Variants in WDTC1 observed in about 807,000 individuals in gnomAD.
WDTC1 encodes the protein WD and tetratricopeptide repeats 1.
Under a neutral mutation model 76.0 loss-of-function variants are expected in WDTC1, and 12 were observed. The ratio of observed to expected loss-of-function variants is 0.16; its 90% CI spans 0.10 to 0.26. WDTC1 has a LOEUF of 0.26. WDTC1 is among the 10% of genes least tolerant of loss of function. The pLI is 1.00. For missense variants in WDTC1, 511 were observed against 908.8 expected, an observed-to-expected ratio of 0.56 and a Z score of 5.63; for synonymous variants, 326 against 350.8, an observed-to-expected ratio of 0.93 and a Z score of 0.79.
At chr1:27,277,311 T>C (rs953811598) in intron 3 of WDTC1, among the ~76,000 whole-genome samples, 1 of 152,246 alleles carries the variant, frequency 6.6e-6, no homozygotes, top group Non-Finnish European at 1.5e-5. Flanking sequence ...TTTGTAGTTT[T>C]AGATTTTATA....
At position 27,305,022 on chromosome 1, in the gene WDTC1, T is replaced by C. The variant is rs1159913128; in HGVS notation, c.1665T>C (p.Ser555=). The change falls in exon 15 of 16, where the codon AGT becomes AGC. Residue 555 remains serine, a synonymous_variant. Transcript: ENST00000319394. The surrounding 1 kb of genome is among the most constrained non-coding windows in gnomAD (Gnocchi z 4.6). ...FFGSNAQYIV[S]GSDDGSFFIW... The stretch of plus-strand genomic sequence containing the variant: ...CCAGCAACGCTCAGTATATCGTCAG[T>C]GGCTCTGACGATGGCTCCTTCTTCA... 2 of 1,613,954 alleles carry C rather than the reference T, an allele frequency of 1.2e-6. No individual in the cohort carries two copies. The highest frequency in any genetic ancestry group is 2.2e-5 in the South Asian group (2 of 91,074).
At chr1:27,259,191 G>A (rs1401853711) in intron 1 of WDTC1, among the ~76,000 whole-genome samples, 1 of 152,016 alleles carries the variant, frequency 6.6e-6, no homozygotes, top group Non-Finnish European at 1.5e-5. Flanking sequence ...ACAGGGTCTT[G>A]TTCTGTCACC....
chr1:27,287,900 C>CCATCCCAT (rs2013389307), intron 6 of WDTC1, 39 bp downstream of exon 6: 3 of 1,588,008 alleles, frequency 1.9e-6, no homozygotes, highest in African/African-American at 2.7e-5. Context: ...TGTCGCTCCC[C>CCATCCCAT]CATCCCATCA....
intron 1 of WDTC1, among the ~76,000 whole-genome samples, chr1:27,256,903 C>A (rs2012300034): frequency 6.6e-6 from 1 of 152,106 alleles, no homozygotes; most frequent in Non-Finnish European, 1.5e-5. Context: ...ACTCTGTTGC[C>A]CAGGCTGGAG....
At chr1:27,286,425 A>AGCATTTCT (rs1353259452) in intron 5 of WDTC1, among the ~76,000 whole-genome samples, 1 of 150,400 alleles carries the variant, frequency 6.6e-6, no homozygotes, top group Non-Finnish European at 1.5e-5. Flanking sequence ...GAGGCATCCA[A>AGCATTTCT]GCATTTCTGA....
At chr1:27,287,532 AT>A in intron 5 of WDTC1, 141 bp from the exon 6 acceptor site, 1 of 909,996 alleles carries the variant, frequency 1.1e-6, no homozygotes, top group Non-Finnish European at 1.6e-6. Context: ...GATTACAGGC[AT>A]GAGCCACCGC....
At chr1:27,246,533 T>G (rs1052215353) in intron 1 of WDTC1, among the ~76,000 whole-genome samples, 1 of 152,186 alleles carries the variant, frequency 6.6e-6, no homozygotes, top group Non-Finnish European at 1.5e-5. Flanking sequence ...TGAGTATTCA[T>G]GTACAGCTTT....
At chr1:27,243,816 A>T (rs771878770) in intron 1 of WDTC1, among the ~76,000 whole-genome samples, 1 of 152,018 alleles carries the variant, frequency 6.6e-6, no homozygotes, top group African/African-American at 2.4e-5. Flanking sequence ...TCAGATTAGG[A>T]AACTAAGGTT....
chr1:27,289,483 C>T (rs1425291179), intron 6 of WDTC1, among the ~76,000 whole-genome samples: 7 of 149,444 alleles, frequency 4.7e-5, no homozygotes, highest in South Asian at 2.1e-4. Context: ...CGGGCAGAGA[C>T]GCTCCTCACT....
Position 27,301,136 on chromosome 1 carries a change from G to C in WDTC1, c.1233-90G>C. The stretch of plus-strand genomic sequence containing the variant: ...CATGAGATCTGTCAGTGGTGGGCTG[G>C]GGTGGCCACAGGAAGCAGAGGAGAC... On this transcript the variant is annotated intron_variant, in intron 12 of 15. Coordinates refer to ENST00000319394, the MANE Select transcript of WDTC1 (RefSeq NM_001276252.2). This position sits in a 1 kb window ranked among gnomAD's most constrained non-coding sequence, Gnocchi z 5.8. The C allele has an allele frequency of 8.9e-7, 1 of 1,124,902 alleles. No homozygotes were observed. The highest frequency in any genetic ancestry group is 1.3e-6 in the Non-Finnish European group (1 of 769,304). The allele number at this position is 1,124,902 out of a possible 1,614,324, so 69.7% of individuals were successfully genotyped here. A position where few individuals can be genotyped will look rare whatever the true frequency, so the allele number is the denominator to read the frequency against.
At chr1:27,238,899 G>C (rs1385433142) in intron 1 of WDTC1, among the ~76,000 whole-genome samples, 1 of 150,770 alleles carries the variant, frequency 6.6e-6, no homozygotes, top group Non-Finnish European at 1.5e-5. Flanking sequence ...TTAGAGACAG[G>C]GTTTTGCCAT....
intron 3 of WDTC1, among the ~76,000 whole-genome samples, chr1:27,269,605 T>G (rs1175603254): frequency 3.0e-5 from 3 of 99,440 alleles, no homozygotes; most frequent in African/African-American, 1.0e-4. Context: ...TTTTGTTTTT[T>G]GTTTTTTTTT....
chr1:27,294,678 C>T, intron 9 of WDTC1, 49 bp downstream of exon 9: 1 of 1,503,426 alleles, frequency 6.7e-7, no homozygotes, highest in Admixed American at 1.7e-5. Context: ...CCATGCCCAG[C>T]AGCCAGGGGC....
chr1:27,257,813 CAG>C, intron 1 of WDTC1, among the ~76,000 whole-genome samples: 1 of 152,116 alleles, frequency 6.6e-6, no homozygotes, highest in South Asian at 2.1e-4. Context: ...CTTTTTGAGA[CAG>C]AGTCTTGCTC....
chr1:27,298,046 G>T lies in WDTC1; in HGVS notation c.1167G>T (p.Val389=), dbSNP rs563510846. 1.2e-6 allele frequency: 2 copies of T among 1,614,028 alleles called. No homozygotes were observed. Among genetic ancestry groups the T allele is most frequent in the Non-Finnish European group, 1.7e-6 (2 of 1,179,930 alleles). The stretch of plus-strand genomic sequence containing the variant: ...CCATTCAGCTTTACAGCAAGGCTGT[G>T]CAGAGGGCCCCTCACAATGCCATGC... ...TQAIQLYSKA[V]QRAPHNAMLY... The change falls in exon 12 of 16, where the codon GTG becomes GTT. Residue 389 remains valine (V), a synonymous_variant. Coordinates refer to ENST00000319394, the MANE Select transcript of WDTC1 (RefSeq NM_001276252.2).
intron 6 of WDTC1, 142 bp from the exon 7 acceptor site, chr1:27,292,073 T>G (rs2013549856): frequency 4.8e-6 from 4 of 836,380 alleles, no homozygotes; most frequent in East Asian, 5.5e-5. Context: ...ACTCAAGAAA[T>G]GGGAGTTGTT....
At position 27,281,669 on chromosome 1, in the gene WDTC1, A is replaced by G. The variant is rs369551028; in HGVS notation, c.133-570A>G. Among the ~76,000 whole-genome samples the G allele has an allele frequency of 6.6e-5, 10 of 151,796 alleles. No homozygotes were observed. The East Asian group carries it at 1.6e-3, about 24-fold the overall frequency. On this transcript the variant is annotated intron_variant, in intron 3 of 15. Coordinates refer to ENST00000319394, the MANE Select transcript of WDTC1 (RefSeq NM_001276252.2). Reference sequence around the variant, plus strand: ...AGTGGTGCGATCTCAGCTCACTCCAACCTCCACCTCCCAGGCTCAAGTCAT... The same window carrying G: ...AGTGGTGCGATCTCAGCTCACTCCAGCCTCCACCTCCCAGGCTCAAGTCAT...
At chr1:27,243,658 C>A (rs2011707494) in intron 1 of WDTC1, among the ~76,000 whole-genome samples, 1 of 152,106 alleles carries the variant, frequency 6.6e-6, no homozygotes, top group African/African-American at 2.4e-5. Context: ...AACAATAGCA[C>A]CTGTCTCATA....
Position 27,296,407 on chromosome 1 carries a change from T to G in WDTC1, c.949+6T>G. ...AAAATGCCACTCCTCGGGGGGTAAG[T>G]TCTCCCTTAGGGTATCTCTACTGCG... On this transcript the variant is annotated splice_donor_region_variant and intron_variant, in intron 10 of 15. Transcript: ENST00000319394. The G allele has an allele frequency of 1.2e-6, 2 of 1,614,068 alleles. No individual in the cohort carries two copies. Among genetic ancestry groups the G allele is most frequent in the South Asian group, 1.1e-5 (1 of 91,080 alleles).
Sources: gnomAD v4.1 joint callset for allele counts (sites outside exome capture counted in the v4.1 genomes callset) on GRCh38, gnomAD v4.1.1 for gene constraint, Gnocchi (gnomAD v3.1) non-coding constraint, MANE v1.5 for transcripts, NCBI Gene and HGNC (gene_info 2026-07-23, HGNC 2026-07-21) for gene names.